The following COLEC12 variants were observed in gnomAD, a reference collection of about 807,000 sequenced individuals.
The protein encoded by COLEC12 is collectin subfamily member 12.
In COLEC12, 33 loss-of-function variants were observed where a neutral mutation model predicts 71.1. The observed-to-expected ratio is 0.46, with a 90% CI of 0.35 to 0.62. The LOEUF (loss-of-function observed/expected upper bound fraction) is 0.62, where lower values mean the gene tolerates loss of function less well. COLEC12 is among the 20% of genes least tolerant of loss of function. The pLI is 0.00. For missense variants in COLEC12, 765 were observed against 916.1 expected, an observed-to-expected ratio of 0.84 and a Z score of 2.13; for synonymous variants, 350 against 353.0, an observed-to-expected ratio of 0.99 and a Z score of 0.10.
At chr18:442,522 T>C (rs562616675) in intron 2 of COLEC12, among the ~76,000 whole-genome samples, 1 of 152,374 alleles carries the variant, frequency 6.6e-6, no homozygotes, top group South Asian at 2.1e-4. Flanking sequence ...CATTGCTCTC[T>C]ACACATACTG....
intron 3 of COLEC12, among the ~76,000 whole-genome samples, chr18:353,018 G>A (rs1914557107): frequency 6.6e-6 from 1 of 152,292 alleles, no homozygotes; most frequent in East Asian, 1.9e-4. Flanking sequence ...CTGAAGATCT[G>A]TCCCTCTTCA....
chr18:345,170 T>G (rs1221954185), intron 5 of COLEC12, among the ~76,000 whole-genome samples: 1 of 152,222 alleles, frequency 6.6e-6, no homozygotes, highest in African/African-American at 2.4e-5. Flanking sequence ...GACCGTTGGT[T>G]TCATTTGTAT....
rs1424211948 is a variant in COLEC12, at chr18:317,576, G to C, written c.*2469C>G. 4 of 152,256 alleles carry C rather than the reference G, an allele frequency of 2.6e-5. No individual in the cohort carries two copies. Among genetic ancestry groups the C allele is most frequent in the Admixed American group, 2.6e-4 (4 of 15,286 alleles). 9.4% of individuals were successfully genotyped at this position (152,256 alleles called of 1,614,324 possible). A position where few individuals can be genotyped will look rare whatever the true frequency, so the allele number is the denominator to read the frequency against. ...CTGATAAATAATAAGCACTTGGTAA[G>C]TTATTATTAGGGCTGGGAGAGCAAT... On this transcript the variant is annotated 3_prime_UTR_variant, in exon 10 of 10. Transcript: ENST00000400256.
intron 2 of COLEC12, among the ~76,000 whole-genome samples, chr18:455,837 T>C (rs1916861133): frequency 1.3e-5 from 2 of 152,240 alleles, no homozygotes; most frequent in African/African-American, 4.8e-5. Flanking sequence ...CATTCTTTTT[T>C]ACGGCTGCAT....
chr18:354,548 G>C (rs373934721), intron 3 of COLEC12, among the ~76,000 whole-genome samples: 1 of 152,080 alleles, frequency 6.6e-6, no homozygotes, highest in East Asian at 1.9e-4. Flanking sequence ...TTTTGTAACG[G>C]AGAGAGTTTC....
chr18:405,039 G>A (rs1446710361), intron 2 of COLEC12, among the ~76,000 whole-genome samples: 4 of 152,142 alleles, frequency 2.6e-5, no homozygotes, highest in African/African-American at 9.7e-5. Context: ...GTATGATGCG[G>A]TTGAGATAAG....
At chr18:348,779 G>A (rs568931876) in intron 3 of COLEC12, among the ~76,000 whole-genome samples, 2 of 152,334 alleles carry the variant, frequency 1.3e-5, no homozygotes, top group South Asian at 4.1e-4. Flanking sequence ...AGATGCCTGA[G>A]TGGTGTTTCC....
At chr18:493,213 T>A (rs1458952678) in intron 1 of COLEC12, among the ~76,000 whole-genome samples, 3 of 152,116 alleles carry the variant, frequency 2.0e-5, no homozygotes, top group African/African-American at 7.2e-5. Context: ...TAGCTGGGAC[T>A]ATAGCCACTC....
intron 2 of COLEC12, among the ~76,000 whole-genome samples, chr18:436,560 A>T (rs1450145607): frequency 1.4e-5 from 2 of 145,474 alleles, no homozygotes; most frequent in Non-Finnish European, 3.0e-5. Context: ...GGCTTTCTGG[A>T]ATTTAGATTT....
chr18:323,857 CCTTTT>C (rs1471888110), intron 8 of COLEC12, among the ~76,000 whole-genome samples: 1 of 152,076 alleles, frequency 6.6e-6, no homozygotes, highest in Non-Finnish European at 1.5e-5. Context: ...CCTTGCGTTT[CCTTTT>C]AAGTCATTTT....
chr18:497,195 G>A (rs1350182533), intron 1 of COLEC12, among the ~76,000 whole-genome samples: 1 of 152,106 alleles, frequency 6.6e-6, no homozygotes, highest in Non-Finnish European at 1.5e-5. Context: ...TGACTGACTG[G>A]CAGATGCAGG....
intron 2 of COLEC12, among the ~76,000 whole-genome samples, chr18:383,060 A>G (rs1404750791): frequency 1.3e-5 from 2 of 152,000 alleles, no homozygotes; most frequent in East Asian, 3.9e-4. Context: ...AATTCCCCCA[A>G]CGGGACTCTG....
chr18:410,977 G>C (rs1598354955), intron 2 of COLEC12, among the ~76,000 whole-genome samples: 3 of 152,288 alleles, frequency 2.0e-5, no homozygotes, highest in South Asian at 2.1e-4. Flanking sequence ...CCACTGGGGT[G>C]GGGTAAGAGA....
At chr18:477,138 A>G (rs1917321045) in intron 2 of COLEC12, among the ~76,000 whole-genome samples, 1 of 152,242 alleles carries the variant, frequency 6.6e-6, no homozygotes, top group Non-Finnish European at 1.5e-5. Flanking sequence ...TGAGTAAACA[A>G]GGGGTGACTG....
chr18:428,962 A>C (rs868746046), intron 2 of COLEC12, among the ~76,000 whole-genome samples: 1 of 152,210 alleles, frequency 6.6e-6, no homozygotes, highest in African/African-American at 2.4e-5. Context: ...TTACTTTAAA[A>C]ATGTAAAAGG....
At chr18:441,118 G>GCGT (rs1916518363) in intron 2 of COLEC12, among the ~76,000 whole-genome samples, 1 of 127,792 alleles carries the variant, frequency 7.8e-6, no homozygotes, top group African/African-American at 2.8e-5. Context: ...CGTGGTGGCG[G>GCGT]GCGCCTGTAG....
intron 1 of COLEC12, among the ~76,000 whole-genome samples, chr18:481,433 A>T (rs1227945370): frequency 6.6e-6 from 1 of 152,200 alleles, no homozygotes; most frequent in Non-Finnish European, 1.5e-5. Flanking sequence ...GGCCGGGCGC[A>T]GTGGCTCATG....
intron 2 of COLEC12, among the ~76,000 whole-genome samples, chr18:464,643 T>C (rs923517291): frequency 6.6e-6 from 1 of 152,194 alleles, no homozygotes; most frequent in African/African-American, 2.4e-5. Context: ...CAAACTACAG[T>C]AGAGATACGT....
At chr18:336,379 A>G (rs1051514034) in intron 5 of COLEC12, among the ~76,000 whole-genome samples, 1 of 152,184 alleles carries the variant, frequency 6.6e-6, no homozygotes, top group Admixed American at 6.5e-5. Flanking sequence ...GGCTAGAGAA[A>G]AAAGGTATGT....
Sources: allele counts gnomAD v4.1 joint callset (sites outside exome capture counted in the v4.1 genomes callset), GRCh38; gene constraint gnomAD v4.1.1; transcripts MANE v1.5; gene names NCBI Gene and HGNC (gene_info 2026-07-23, HGNC 2026-07-21).